The following PKD1 variants were observed in gnomAD, a reference collection of about 807,000 sequenced individuals.
PKD1 encodes the protein polycystin-1.
In PKD1, 81 loss-of-function variants were observed where a neutral mutation model predicts 361.7. The observed-to-expected ratio is 0.22, with a 90% CI of 0.19 to 0.27. PKD1 has a LOEUF of 0.27. Among genes scored for constraint, PKD1 ranks in the 10% least tolerant of loss-of-function variants. The pLI is 1.00. For missense variants in PKD1, 6,399 were observed against 6,118.3 expected (o/e 1.05, Z -1.53); for synonymous variants, 3,615 against 2,818.3 (o/e 1.28, Z -8.95).
chr16:2,095,992 GT>G (rs1447861454), intron 34 of PKD1, among the ~76,000 whole-genome samples: 2 of 152,220 alleles, frequency 1.3e-5, no homozygotes, highest in African/African-American at 4.8e-5. Flanking sequence ...AAATCAGGAA[GT>G]TTTCCTTTTT....
intron 1 of PKD1, among the ~76,000 whole-genome samples, chr16:2,122,764 C>T (rs567551546): frequency 4.6e-5 from 7 of 152,312 alleles, no homozygotes; most frequent in South Asian, 2.1e-4. Context: ...CACCGGGACC[C>T]GAGGCGCAGG....
At chr16:2,099,463 G>A in intron 30 of PKD1, 181 bp downstream of exon 30, 1 of 699,834 alleles carries the variant, frequency 1.4e-6, no homozygotes, top group East Asian at 2.8e-5. Flanking sequence ...TGGCTTCTGA[G>A]TCTTCTCTCT....
At chr16:2,104,324 AGGGGGAGGGGGAGGAGAATGGGAATT>A (rs1438539874) in intron 22 of PKD1, among the ~76,000 whole-genome samples, 148 bp downstream of exon 22, 43 of 68,034 alleles carry the variant, frequency 6.3e-4, no homozygotes, top group South Asian at 2.4e-3. Flanking sequence ...GTAATAGGGA[AGGGGGAGGGGGAGGAGAATGGGAATT>A]GGGGGAGGGG....
intron 16 of PKD1, chr16:2,107,676 A>G (rs2151782048): frequency 1.6e-6 from 1 of 636,602 alleles, no homozygotes; most frequent in Non-Finnish European, 2.9e-6. Flanking sequence ...CCACTAGAGC[A>G]TATGTGGCTT....
rs754580074 is a variant in PKD1 at position 2,109,095 on chromosome 16, G to A, written c.6072C>T (p.Arg2024=). 1.9e-5 allele frequency: 30 copies of A among 1,603,144 alleles called. No individual in the cohort carries two copies. Among genetic ancestry groups the A allele is most frequent in the East Asian group, 2.2e-5 (1 of 44,636 alleles). Reference sequence around the variant, plus strand: ...CGGCCACGGGCGTGTAGGTGACGTCGCGGCCCGACAGGATGACCAGCGAGT... The same window carrying A: ...CGGCCACGGGCGTGTAGGTGACGTCACGGCCCGACAGGATGACCAGCGAGT... ...QGDSLVILSG[R]DVTYTPVAAG... Residue 2024 remains arginine (R), a synonymous_variant, in exon 15 of 46, where the codon CGC becomes CGT. Coordinates refer to ENST00000262304, the MANE Select transcript of PKD1 (RefSeq NM_001009944.3).
intron 30 of PKD1, 168 bp downstream of exon 30, chr16:2,099,476 C>T: frequency 1.4e-6 from 1 of 708,144 alleles, no homozygotes. Flanking sequence ...TTCTCTCTTT[C>T]TCCCTGGTCA....
At chr16:2,104,835 C>G (rs1251183504) in intron 21 of PKD1, among the ~76,000 whole-genome samples, 193 bp from the exon 22 acceptor site, 1 of 134,552 alleles carries the variant, frequency 7.4e-6, no homozygotes. Context: ...ACCTGGGGAC[C>G]ACGTGATGCA....
chr16:2,102,870 G>A lies in PKD1; in HGVS notation c.8892C>T (p.Arg2964=), dbSNP rs1567175659. 2 of 1,610,210 alleles carry A rather than the reference G, an allele frequency of 1.2e-6. No homozygotes were observed. Among genetic ancestry groups the A allele is most frequent in the Non-Finnish European group, 1.7e-6 (2 of 1,179,758 alleles). ...EHNCSASRRI[R]PESLQGADHR... ...GGTCAGCACCCTGGAGTGACTCTGG[G>A]CGGATCCTCCTGCTAGCCGAGCAGT... Residue 2964 remains arginine, a synonymous_variant, in exon 24 of 46, where the codon CGC becomes CGT. Coordinates refer to ENST00000262304, the MANE Select transcript of PKD1 (RefSeq NM_001009944.3).
chr16:2,114,119 G>C, intron 11 of PKD1, 51 bp downstream of exon 11: 3 of 1,531,782 alleles, frequency 2.0e-6, no homozygotes, highest in Non-Finnish European at 1.8e-6. Context: ...TGAGCACCCT[G>C]TCTGCAGGCA....
intron 39 of PKD1, 64 bp downstream of exon 39, chr16:2,092,416 G>C: frequency 8.4e-7 from 1 of 1,197,358 alleles, no homozygotes; most frequent in Non-Finnish European, 1.2e-6. Flanking sequence ...CCAGAGCTCC[G>C]CTAAAGGCTG....
intron 29 of PKD1, 37 bp from the exon 30 acceptor site, chr16:2,099,807 A>G (rs1460170656): frequency 6.4e-7 from 1 of 1,553,808 alleles, no homozygotes; most frequent in Non-Finnish European, 8.7e-7. Flanking sequence ...GGTGAGGCTG[A>G]GGGGCAGGAA....
intron 1 of PKD1, among the ~76,000 whole-genome samples, chr16:2,130,126 A>G (rs2092852583): frequency 6.6e-6 from 1 of 152,198 alleles, no homozygotes; most frequent in Non-Finnish European, 1.5e-5. Flanking sequence ...ATCCGCGTCT[A>G]ATAAAGAAAC....
chr16:2,105,428 T>G lies in PKD1; in HGVS notation c.7910A>C (p.Gln2637Pro), dbSNP rs2092303904. Residue 2637 changes from glutamine to proline, a missense_variant, in exon 21 of 46, where the codon CAG (glutamine) becomes CCG (proline). Gln to Pro is a moderately conservative substitution (Grantham distance 76). Coordinates refer to ENST00000262304, the MANE Select transcript of PKD1 (RefSeq NM_001009944.3). Reference sequence around the variant, plus strand: ...GTTCTTGCGTATCTGGGCTCGGTGCTGCCGCTCGTGCTTGGGCTCTGCCGC... The same window carrying G: ...GTTCTTGCGTATCTGGGCTCGGTGCGGCCGCTCGTGCTTGGGCTCTGCCGC... ...DVAAEPKHER[Q>P]HRAQIRKNIT... 2 of 1,585,868 alleles carry G rather than the reference T, an allele frequency of 1.3e-6. No individual in the cohort carries two copies. Among genetic ancestry groups the G allele is most frequent in the African/African-American group, 1.4e-5 (1 of 72,298 alleles).
At chr16:2,122,248 G>A (rs1184184578) in intron 1 of PKD1, among the ~76,000 whole-genome samples, 1 of 152,268 alleles carries the variant, frequency 6.6e-6, no homozygotes, top group Non-Finnish European at 1.5e-5. Flanking sequence ...GGCTCCCGGA[G>A]CTTCTCGTTC....
In PKD1 at chr16:2,108,431, G is replaced by A. The variant is rs1567191534; in HGVS notation, c.6736C>T (p.Gln2246Ter). ...FGDTPLTQSI[Q>*]ANVTVAPERL... ...TCGGGGGCCACCGTCACATTGGCCT[G>A]GATGCTCTGTGTCAGTGGCGTGTCC... The change falls in exon 15 of 46, where the codon CAG (glutamine) becomes TAG (stop). Residue 2246 changes from glutamine (Q) to a stop codon, truncating the protein, a stop_gained. Coordinates refer to ENST00000262304, the MANE Select transcript of PKD1 (RefSeq NM_001009944.3). LOFTEE classifies it high-confidence loss of function. 1 of 1,610,522 alleles carries A rather than the reference G, an allele frequency of 6.2e-7. No homozygotes were observed. The highest frequency in any genetic ancestry group is 8.5e-7 in the Non-Finnish European group (1 of 1,179,726).
intron 1 of PKD1, among the ~76,000 whole-genome samples, chr16:2,132,966 A>C (rs2092905226): frequency 6.6e-6 from 1 of 151,344 alleles, no homozygotes. Context: ...CTGTAATCCC[A>C]GCTACTCGGG....
In PKD1 at chr16:2,112,925, G is replaced by A. The variant is rs1279648872; in HGVS notation, c.3024C>T (p.Asn1008=). ...TCATCCGCTCCACGGTTACGTTGTAGTTCACGGTGACGTTGCTCACGTGGT... is the reference window on the plus strand; with the variant it reads ...TCATCCGCTCCACGGTTACGTTGTAATTCACGGTGACGTTGCTCACGTGGT... ...ASNHVSNVTV[N]YNVTVERMNR... is the part of the protein sequence containing the mutation. The change falls in exon 13 of 46, where the codon AAC becomes AAT. Residue 1008 remains asparagine (N), a synonymous_variant. Coordinates refer to ENST00000262304, the MANE Select transcript of PKD1 (RefSeq NM_001009944.3). 1 of 1,604,642 alleles carries A rather than the reference G, an allele frequency of 6.2e-7. No individual in the cohort carries two copies. Among genetic ancestry groups the A allele is most frequent in the African/African-American group, 1.3e-5 (1 of 74,872 alleles).
rs954217551 is a variant in PKD1, at chr16:2,097,674, C to A, written c.10220+54G>T. On this transcript the variant is annotated intron_variant, in intron 32 of 45. Coordinates refer to ENST00000262304, the MANE Select transcript of PKD1 (RefSeq NM_001009944.3). Reference sequence around the variant, plus strand: ...GGACACGCAGCCCGCACACCCCCGGCACCCCAGACACAGTGACCTGCACCA... The same window carrying A: ...GGACACGCAGCCCGCACACCCCCGGAACCCCAGACACAGTGACCTGCACCA... 27 of 1,610,714 alleles carry A rather than the reference C, an allele frequency of 1.7e-5. No homozygotes were observed. The African/African-American group carries it at 3.5e-4, about 21-fold the overall frequency.
chr16:2,095,980 G>C (rs545761415), intron 34 of PKD1, among the ~76,000 whole-genome samples: 1 of 152,312 alleles, frequency 6.6e-6, no homozygotes, highest in South Asian at 2.1e-4. Context: ...TCTGCCTTTT[G>C]TAAATCAGGA....
Sources: gnomAD v4.1 joint callset for allele counts (sites outside exome capture counted in the v4.1 genomes callset) on GRCh38, gnomAD v4.1.1 for gene constraint, MANE v1.5 for transcripts, NCBI Gene and HGNC (gene_info 2026-07-23, HGNC 2026-07-21) for gene names.